The following TBPL1 variants were observed in gnomAD, a reference collection of about 807,000 sequenced individuals.
The protein encoded by TBPL1 is TATA box-binding protein-like 1.
TBPL1 carries 4 observed loss-of-function variants against 22.1 expected under a neutral mutation model. The observed-to-expected ratio is 0.18, with a 90% CI of 0.09 to 0.41. TBPL1 has a LOEUF of 0.41. Ranked by LOEUF, TBPL1 falls within the 10% of genes least tolerant of loss-of-function variation. The pLI, the probability that TBPL1 is intolerant of heterozygous loss-of-function variation, is 1.00. For missense variants in TBPL1, 115 were observed against 222.3 expected, an observed-to-expected ratio of 0.52 and a Z score of 3.07; for synonymous variants, 64 against 71.0, an observed-to-expected ratio of 0.90 and a Z score of 0.50.
chr6:133,982,021 A>G (rs921288244), intron 2 of TBPL1, among the ~76,000 whole-genome samples: 4 of 152,202 alleles, frequency 2.6e-5, no homozygotes, highest in Non-Finnish European at 5.9e-5. Context: ...AGGATGCAAT[A>G]TAAAGTAGTG....
intron 1 of TBPL1, 29 bp from the exon 2 acceptor site, chr6:133,980,048 AAGTTT>A: frequency 7.4e-7 from 1 of 1,343,618 alleles, no homozygotes; most frequent in Non-Finnish European, 9.8e-7. Context: ...AACAACATTT[AAGTTT>A]AATGACTTTA....
intron 1 of TBPL1, among the ~76,000 whole-genome samples, chr6:133,959,103 C>G (rs866117308): frequency 6.6e-6 from 1 of 151,850 alleles, no homozygotes. Context: ...GCGGTGGTGG[C>G]ATCTCAGCTC....
intron 1 of TBPL1, among the ~76,000 whole-genome samples, chr6:133,966,461 G>A (rs376989704): frequency 6.6e-5 from 10 of 152,098 alleles, no homozygotes; most frequent in African/African-American, 2.2e-4. Context: ...ACCCATGATG[G>A]TTTTAATTAC....
intron 1 of TBPL1, among the ~76,000 whole-genome samples, chr6:133,966,271 A>C (rs1776117615): frequency 6.6e-6 from 1 of 152,166 alleles, no homozygotes; most frequent in Non-Finnish European, 1.5e-5. Context: ...GCTTCTGAGG[A>C]GCTTATTGTC....
In TBPL1 at chr6:133,989,699, T is replaced by C. The variant is rs1199835438; in HGVS notation, c.*2659T>C. ...TAGTCAGTCTCCTGAGTCTCTGATA[T>C]AGTTTTACTACTTACATAGGTTTAT... On this transcript the variant is annotated 3_prime_UTR_variant, in exon 7 of 7. Transcript: ENST00000237264. 4 of 152,190 alleles carry C rather than the reference T, an allele frequency of 2.6e-5. No individual in the cohort carries two copies. Among genetic ancestry groups the C allele is most frequent in the Non-Finnish European group, 5.9e-5 (4 of 68,026 alleles). The allele number at this position is 152,190 out of a possible 1,614,324, so 9.4% of individuals were successfully genotyped here.
chr6:133,976,963 G>A (rs1357692760), intron 1 of TBPL1, among the ~76,000 whole-genome samples: 11 of 144,892 alleles, frequency 7.6e-5, no homozygotes, highest in Non-Finnish European at 1.5e-4. Flanking sequence ...GCGAGACTTG[G>A]TCTCAAAAAA....
intron 2 of TBPL1, among the ~76,000 whole-genome samples, chr6:133,981,369 A>G (rs891272216): frequency 7.2e-5 from 11 of 152,184 alleles, no homozygotes; most frequent in Non-Finnish European, 7.4e-5. Context: ...CAGCAATCCC[A>G]TCCTTCCTTT....
intron 1 of TBPL1, among the ~76,000 whole-genome samples, chr6:133,975,321 A>G (rs1776294884): frequency 6.6e-6 from 1 of 152,158 alleles, no homozygotes; most frequent in Non-Finnish European, 1.5e-5. Flanking sequence ...GAAGAAATGG[A>G]AAATTTAATT....
At chr6:133,979,247 G>A (rs548993999) in intron 1 of TBPL1, among the ~76,000 whole-genome samples, 34 of 152,240 alleles carry the variant, frequency 2.2e-4, no homozygotes, top group African/African-American at 8.2e-4. Context: ...AGAAAATAAT[G>A]AATGAATGGT....
At position 133,989,879 on chromosome 6, in the gene TBPL1, A is replaced by G. The variant is rs1337412300; in HGVS notation, c.*2839A>G. On this transcript the variant is annotated 3_prime_UTR_variant, in exon 7 of 7. Transcript: ENST00000237264. ...TTTTCTTCAGGTTAATCATATTTTA[A>G]AATTCTTTTTCAAGTTAGGTTGTTC... 6.6e-6 allele frequency: 1 copy of G among 152,200 alleles called. No homozygotes were observed. Among genetic ancestry groups the G allele is most frequent in the Non-Finnish European group, 1.5e-5 (1 of 68,036 alleles). The allele number at this position is 152,200 out of a possible 1,614,324, so 9.4% of individuals were successfully genotyped here.
At chr6:133,957,387 G>T (rs1775945266) in intron 1 of TBPL1, among the ~76,000 whole-genome samples, 1 of 152,198 alleles carries the variant, frequency 6.6e-6, no homozygotes. Context: ...GCATTGAATT[G>T]TGCTTAGCAC....
intron 1 of TBPL1, among the ~76,000 whole-genome samples, chr6:133,961,537 C>T (rs1444631077): frequency 6.9e-6 from 1 of 144,846 alleles, no homozygotes; most frequent in Non-Finnish European, 1.5e-5. Context: ...GGTGCAATCT[C>T]GGCTCATTGC....
intron 1 of TBPL1, among the ~76,000 whole-genome samples, chr6:133,954,629 A>G (rs1211295561): frequency 6.6e-6 from 1 of 152,246 alleles, no homozygotes. Context: ...GGCCACATAT[A>G]CATACAAAGT....
At chr6:133,973,338 G>A (rs1980503) in intron 1 of TBPL1, among the ~76,000 whole-genome samples, 96,469 of 151,996 alleles carry the variant, frequency 0.63, 31,482 homozygotes, top group African/African-American at 0.73. Context: ...TAGAACCTTA[G>A]GGCCCATTCC....
At chr6:133,975,128 A>G (rs1432752280) in intron 1 of TBPL1, among the ~76,000 whole-genome samples, 1 of 152,180 alleles carries the variant, frequency 6.6e-6, no homozygotes, top group Non-Finnish European at 1.5e-5. Context: ...AGAGAGGATC[A>G]GCTACTGATA....
At chr6:133,979,756 C>G (rs572857016) in intron 1 of TBPL1, among the ~76,000 whole-genome samples, 2 of 152,098 alleles carry the variant, frequency 1.3e-5, no homozygotes, top group Non-Finnish European at 2.9e-5. Flanking sequence ...AAGTGATTCT[C>G]CCACCTCAGC....
chr6:133,954,859 T>C (rs1484478728), intron 1 of TBPL1, among the ~76,000 whole-genome samples: 2 of 152,118 alleles, frequency 1.3e-5, no homozygotes, highest in African/African-American at 4.8e-5. Flanking sequence ...GTGCCCTTGA[T>C]TGGGCTGGCT....
intron 1 of TBPL1, among the ~76,000 whole-genome samples, chr6:133,955,778 T>C (rs1775915625): frequency 6.6e-6 from 1 of 152,236 alleles, no homozygotes; most frequent in Admixed American, 6.5e-5. Flanking sequence ...TAGATTTTCA[T>C]GATTCTTATT....
At chr6:133,962,115 T>A (rs142415466) in intron 1 of TBPL1, among the ~76,000 whole-genome samples, 1,548 of 152,242 alleles carry the variant, frequency 0.01, 14 homozygotes, top group South Asian at 0.014. Flanking sequence ...GGAAGAGGAA[T>A]GGTGTAAAGC....
Sources: allele counts gnomAD v4.1 joint callset (sites outside exome capture counted in the v4.1 genomes callset), GRCh38; gene constraint gnomAD v4.1.1; transcripts MANE v1.5; gene names NCBI Gene and HGNC (gene_info 2026-07-23, HGNC 2026-07-21).